Variants in APP observed in about 807,000 individuals in gnomAD.
The protein encoded by APP is amyloid-beta precursor protein.
Under a neutral mutation model 101.4 loss-of-function variants are expected in APP, and 31 were observed. The observed-to-expected ratio is 0.31, with a 90% CI of 0.23 to 0.41. APP has a LOEUF of 0.41. Among genes scored for constraint, APP ranks in the 10% least tolerant of loss-of-function variants. APP has a pLI of 1.00. For missense variants in APP, 839 were observed against 1,003.7 expected, an observed-to-expected ratio of 0.84 and a Z score of 2.22; for synonymous variants, 366 against 364.4, an observed-to-expected ratio of 1.00 and a Z score of -0.05.
intron 11 of APP, among the ~76,000 whole-genome samples, chr21:25,955,989 G>C (rs2041302593): frequency 6.6e-6 from 1 of 152,124 alleles, no homozygotes; most frequent in African/African-American, 2.4e-5. Flanking sequence ...CATATATGAT[G>C]ACTGTCCTCC....
At chr21:26,103,128 C>T (rs2062100741) in intron 2 of APP, among the ~76,000 whole-genome samples, 1 of 152,112 alleles carries the variant, frequency 6.6e-6, no homozygotes, top group South Asian at 2.1e-4. Context: ...ATTTTGCATG[C>T]TTAATGTGTT....
chr21:25,970,043 T>C (rs955443593), intron 11 of APP, among the ~76,000 whole-genome samples: 125 of 151,624 alleles, frequency 8.2e-4, no homozygotes, highest in African/African-American at 2.8e-3. Context: ...AATAAATAAA[T>C]AAATCCGAGT....
intron 2 of APP, among the ~76,000 whole-genome samples, chr21:26,097,145 C>T (rs117237025): frequency 0.015 from 2,247 of 152,276 alleles, 34 homozygotes; most frequent in Non-Finnish European, 0.022. Context: ...TTCACTAATT[C>T]CCACCACATG....
Position 25,881,484 on chromosome 21 carries a change from A to G in APP, c.*186T>C. On this transcript the variant is annotated 3_prime_UTR_variant, in exon 18 of 18. Transcript: ENST00000346798. ...CAAAATGTAAAGAGAGATAGAATAC[A>G]TTACTGATGTGTGGATTAATTCAAG... The G allele has an allele frequency of 1.5e-6, 1 of 679,980 alleles. No individual in the cohort carries two copies. Among genetic ancestry groups the G allele is most frequent in the South Asian group, 1.7e-5 (1 of 59,600 alleles). The allele number at this position is 679,980 out of a possible 1,614,324, so 42.1% of individuals were successfully genotyped here.
chr21:25,952,767 C>G (rs1569099045), intron 13 of APP, among the ~76,000 whole-genome samples: 1 of 151,894 alleles, frequency 6.6e-6, no homozygotes. Context: ...AACAAACAAA[C>G]CATGTTTTCT....
intron 1 of APP, among the ~76,000 whole-genome samples, chr21:26,116,482 C>T (rs901365801): frequency 2.0e-5 from 3 of 152,214 alleles, no homozygotes; most frequent in African/African-American, 7.2e-5. Context: ...CAATTAAATG[C>T]AAAGCCACCT....
In APP at chr21:26,123,986, C is replaced by CT. The variant is rs538314872; in HGVS notation, c.58-11841dup. On this transcript the variant is annotated intron_variant, in intron 1 of 17. Transcript: ENST00000346798. ...AGTATATAGAGCAAGGATTCCTAAT[C>CT]TTTTTTTTTTTTTAATGTGCAAACA... 5.6e-3 allele frequency among the ~76,000 whole-genome samples: 798 copies of CT among 143,378 alleles called. 2 individuals are homozygous for CT. The highest frequency in any genetic ancestry group is 0.014 in the African/African-American group (544 of 39,358). 94.1% of individuals were successfully genotyped at this position (143,378 alleles called of 152,430 possible).
intron 1 of APP, among the ~76,000 whole-genome samples, chr21:26,128,577 A>G (rs181156342): frequency 6.6e-6 from 1 of 152,324 alleles, no homozygotes; most frequent in East Asian, 1.9e-4. Flanking sequence ...CGAAGTATGA[A>G]TAAATGCCTC....
chr21:26,022,087 T>C (rs1210007682), intron 5 of APP, 45 bp from the exon 6 acceptor site: 1 of 1,603,348 alleles, frequency 6.2e-7, no homozygotes, highest in South Asian at 1.1e-5. Context: ...ATTAAACACA[T>C]TTCAGGGAAG....
At chr21:25,984,230 TAAAG>T (rs746969739) in intron 8 of APP, among the ~76,000 whole-genome samples, 2 of 148,836 alleles carry the variant, frequency 1.3e-5, no homozygotes, top group South Asian at 2.1e-4. Context: ...AGTGCAATAA[TAAAG>T]AAAAAAAAGA....
At chr21:26,102,503 T>G (rs2062084701) in intron 2 of APP, among the ~76,000 whole-genome samples, 1 of 152,204 alleles carries the variant, frequency 6.6e-6, no homozygotes, top group Non-Finnish European at 1.5e-5. Flanking sequence ...GAATATTATT[T>G]TTGTTTTGTT....
intron 1 of APP, among the ~76,000 whole-genome samples, chr21:26,147,016 C>T (rs2063168798): frequency 6.6e-6 from 1 of 152,204 alleles, no homozygotes; most frequent in Non-Finnish European, 1.5e-5. Flanking sequence ...AATATATGCA[C>T]AACTTTATTT....
intron 1 of APP, among the ~76,000 whole-genome samples, chr21:26,120,312 C>G (rs1382820987): frequency 6.6e-6 from 1 of 152,098 alleles, no homozygotes; most frequent in African/African-American, 2.4e-5. Context: ...CAGGCCCATA[C>G]CACCATACCT....
intron 5 of APP, among the ~76,000 whole-genome samples, chr21:26,037,042 C>A (rs879485709): frequency 2.0e-5 from 3 of 152,094 alleles, no homozygotes; most frequent in Non-Finnish European, 2.9e-5. Flanking sequence ...TTAAGCCATA[C>A]AAAAGAATAA....
intron 2 of APP, among the ~76,000 whole-genome samples, chr21:26,105,759 T>C (rs1050779244): frequency 6.6e-6 from 1 of 152,202 alleles, no homozygotes; most frequent in African/African-American, 2.4e-5. Context: ...TTGTCTCCCC[T>C]GCCACCTGCT....
chr21:26,075,610 A>C (rs1255340489), intron 3 of APP, among the ~76,000 whole-genome samples: 1 of 152,244 alleles, frequency 6.6e-6, no homozygotes, highest in Non-Finnish European at 1.5e-5. Context: ...CAGAATTTAC[A>C]GCGTAACAAG....
chr21:26,078,547 C>G (rs2061537937), intron 3 of APP, among the ~76,000 whole-genome samples: 1 of 152,178 alleles, frequency 6.6e-6, no homozygotes, highest in African/African-American at 2.4e-5. Flanking sequence ...GTAAGCTACT[C>G]TTCTACCCCA....
intron 1 of APP, among the ~76,000 whole-genome samples, chr21:26,114,127 T>C (rs2062385593): frequency 6.6e-6 from 1 of 152,244 alleles, no homozygotes; most frequent in Non-Finnish European, 1.5e-5. Flanking sequence ...AAATATTCTG[T>C]TGAAACAGTC....
intron 13 of APP, chr21:25,929,050 A>G (rs1188835934): frequency 6.6e-6 from 1 of 152,100 alleles, no homozygotes; most frequent in African/African-American, 2.4e-5. Context: ...ACATAAGTCA[A>G]TTATTTCATA....
Sources: allele counts gnomAD v4.1 joint callset (sites outside exome capture counted in the v4.1 genomes callset), GRCh38; gene constraint gnomAD v4.1.1; transcripts MANE v1.5; gene names NCBI Gene and HGNC (gene_info 2026-07-23, HGNC 2026-07-21).